The following POLR3H variants were observed in gnomAD, a reference collection of about 807,000 sequenced individuals.
POLR3H encodes RNA polymerase III subunit H, also known as DNA-directed RNA polymerase III subunit RPC8.
Under a neutral mutation model 25.5 loss-of-function variants are expected in POLR3H, and 17 were observed. The observed-to-expected ratio is 0.67, with a 90% confidence interval of 0.46 to 1.00. The LOEUF is 1.00. Among genes scored for constraint, POLR3H ranks in the 50% least tolerant of loss-of-function variants. POLR3H has a pLI of 0.00. For missense variants in POLR3H, 274 were observed against 265.0 expected (o/e 1.03, Z -0.24); for synonymous variants, 129 against 103.0 (o/e 1.25, Z -1.53).
intron 2 of POLR3H, among the ~76,000 whole-genome samples, chr22:41,536,641 G>A (rs1252299498): frequency 6.6e-6 from 1 of 151,772 alleles, no homozygotes; most frequent in Admixed American, 6.6e-5. Flanking sequence ...CAAGGCGGGC[G>A]GATCGCCTGA....
rs1394271077 is a variant in POLR3H at position 41,544,261 on chromosome 22, A to C, written c.-160T>G. ...CGGTCTCGGGGGCCCGGTCCGGGCC[A>C]TGCTCCGCTACTACAACATGAGGAA... On this transcript the variant is annotated 5_prime_UTR_variant, in exon 1 of 6. The change abolishes an upstream ATG in the 5' untranslated region. Transcript: ENST00000355209. 1.7e-6 allele frequency: 1 copy of C among 585,676 alleles called. No individual in the cohort carries two copies. Among genetic ancestry groups the C allele is most frequent in the African/African-American group, 1.9e-5 (1 of 53,296 alleles). The allele number at this position is 585,676 out of a possible 1,614,324, so 36.3% of individuals were successfully genotyped here.
chr22:41,530,992 CTG>C (rs2066720060), intron 4 of POLR3H, 104 bp from the exon 5 acceptor site: 1 of 1,126,400 alleles, frequency 8.9e-7, no homozygotes, highest in South Asian at 1.4e-5. Context: ...GGTGAGATCA[CTG>C]TGGCTGGGAA....
chr22:41,530,947 C>G (rs1373552660), intron 4 of POLR3H, 59 bp from the exon 5 acceptor site: 47 of 1,543,514 alleles, frequency 3.0e-5, no homozygotes, highest in South Asian at 4.5e-5. Context: ...CCCTCAGCAC[C>G]CACTCCCCGA....
At chr22:41,540,145 T>C (rs1268036223) in intron 2 of POLR3H, 3 of 222,908 alleles carry the variant, frequency 1.3e-5, no homozygotes, top group Non-Finnish European at 1.8e-5. Flanking sequence ...GCCACACTCT[T>C]ACCTACTGTG....
In POLR3H at chr22:41,529,069, C is replaced by T. The variant is rs1208530775; in HGVS notation, c.*214G>A. 5.2e-6 allele frequency: 3 copies of T among 576,024 alleles called. No homozygotes were observed. Among genetic ancestry groups the T allele is most frequent in the East Asian group, 6.1e-5 (2 of 33,012 alleles). 35.7% of individuals were successfully genotyped at this position (576,024 alleles called of 1,614,324 possible). A position where few individuals can be genotyped will look rare whatever the true frequency, so the allele number is the denominator to read the frequency against. Reference sequence around the variant, plus strand: ...TCAGTCAAGGTCAGTGGAGGCCCAACAGCCACAGCCACAGATGGATCCATC... The same window carrying T: ...TCAGTCAAGGTCAGTGGAGGCCCAATAGCCACAGCCACAGATGGATCCATC... On this transcript the variant is annotated 3_prime_UTR_variant, in exon 6 of 6. Coordinates refer to ENST00000355209, the MANE Select transcript of POLR3H (RefSeq NM_001018050.4).
intron 5 of POLR3H, 96 bp from the exon 6 acceptor site, chr22:41,529,432 A>G (rs1433597350): frequency 9.0e-7 from 1 of 1,106,468 alleles, no homozygotes; most frequent in Non-Finnish European, 1.4e-6. Flanking sequence ...CAGCACAGGC[A>G]AAGAAGAGGC....
chr22:41,528,681 T>C lies in POLR3H; in HGVS notation c.*602A>G. On this transcript the variant is annotated 3_prime_UTR_variant, in exon 6 of 6. Transcript: ENST00000355209. ...CCACGTGTGCCATCAGTGGATCCGA[T>C]CCGTCCAGCCATGGCTTCCTATTCC... 6.3e-7 allele frequency: 1 copy of C among 1,579,664 alleles called. No individual in the cohort carries two copies. The highest frequency in any genetic ancestry group is 1.2e-5 in the South Asian group (1 of 86,692).
At chr22:41,532,587 T>C (rs747647515) in intron 3 of POLR3H, 72 bp downstream of exon 3, 14 of 1,611,790 alleles carry the variant, frequency 8.7e-6, no homozygotes, top group African/African-American at 4.0e-5. Flanking sequence ...CCCCTGACCA[T>C]GTGGGTGGAC....
At position 41,526,813 on chromosome 22, in the gene POLR3H, T is replaced by TTGGACTTTTTCTGCTTTGAG; in HGVS notation, c.*2450_*2469dup. 1 of 307,540 alleles carries TTGGACTTTTTCTGCTTTGAG rather than the reference T, an allele frequency of 3.3e-6. No homozygotes were observed. Among genetic ancestry groups the TTGGACTTTTTCTGCTTTGAG allele is most frequent in the Non-Finnish European group, 6.1e-6 (1 of 164,740 alleles). 19.1% of individuals were successfully genotyped at this position (307,540 alleles called of 1,614,324 possible). ...AGCAGGCAGAGAGGGTCTGAGGTGA[T>TTGGACTTTTTCTGCTTTGAG]TGGACTTTTTCTGCTTTGAGAAACA... is the stretch of plus-strand genomic sequence containing the variant. On this transcript the variant is annotated 3_prime_UTR_variant, in exon 6 of 6. Transcript: ENST00000355209.
chr22:41,534,518 G>A (rs9623414), intron 2 of POLR3H, among the ~76,000 whole-genome samples: 6,546 of 152,236 alleles, frequency 0.043, 198 homozygotes, highest in Non-Finnish European at 0.064. Context: ...AAGCAGTTAA[G>A]TGGCTGCCAG....
At chr22:41,537,209 A>G (rs1246619554) in intron 2 of POLR3H, among the ~76,000 whole-genome samples, 2 of 152,238 alleles carry the variant, frequency 1.3e-5, no homozygotes, top group Non-Finnish European at 2.9e-5. Flanking sequence ...GCGGGGCGCT[A>G]GACCACAGCT....
chr22:41,527,868 G>GC lies in POLR3H; in HGVS notation c.*1414dup, dbSNP rs2066636262. The GC allele has an allele frequency of 6.2e-7, 1 of 1,614,030 alleles. No homozygotes were observed. Among genetic ancestry groups the GC allele is most frequent in the Non-Finnish European group, 8.5e-7 (1 of 1,180,004 alleles). On this transcript the variant is annotated 3_prime_UTR_variant, in exon 6 of 6. Transcript: ENST00000355209. ...AAATGAAGCTCTCCAGGCTAGTCAG[G>GC]CCCCCGATGACCGAATGCCGCCTGC...
chr22:41,533,032 G>A (rs1338680454), intron 2 of POLR3H, among the ~76,000 whole-genome samples: 1 of 152,218 alleles, frequency 6.6e-6, no homozygotes, highest in African/African-American at 2.4e-5. Flanking sequence ...CCTCCCTCCA[G>A]GCTCTCCTTC....
intron 1 of POLR3H, 44 bp from the exon 2 acceptor site, chr22:41,540,839 G>T: frequency 6.8e-7 from 1 of 1,472,240 alleles, no homozygotes; most frequent in Non-Finnish European, 9.5e-7. Flanking sequence ...CATGGATACA[G>T]AGTGACCACA....
At chr22:41,535,100 A>G (rs753997841) in intron 2 of POLR3H, among the ~76,000 whole-genome samples, 122 of 152,284 alleles carry the variant, frequency 8.0e-4, no homozygotes, top group Admixed American at 1.6e-3. Context: ...AATTTTTAAC[A>G]GATTCAACTC....
chr22:41,533,703 C>T (rs543975656), intron 2 of POLR3H: 99 of 1,304,104 alleles, frequency 7.6e-5, no homozygotes, highest in Middle Eastern at 2.1e-4. Context: ...AAGACACAAA[C>T]GTGAGCCATC....
intron 2 of POLR3H, among the ~76,000 whole-genome samples, chr22:41,534,665 G>A (rs1178703237): frequency 1.3e-5 from 2 of 152,076 alleles, no homozygotes; most frequent in Non-Finnish European, 2.9e-5. Context: ...GTCGAGGCGG[G>A]CGGATCACCT....
At chr22:41,537,083 C>T (rs544056956) in intron 2 of POLR3H, among the ~76,000 whole-genome samples, 3 of 152,170 alleles carry the variant, frequency 2.0e-5, no homozygotes, top group African/African-American at 7.2e-5. Flanking sequence ...CAGCAGGTCC[C>T]AGGCTTGGAG....
intron 1 of POLR3H, among the ~76,000 whole-genome samples, chr22:41,542,831 C>T (rs1333920297): frequency 3.3e-5 from 5 of 152,074 alleles, no homozygotes; most frequent in East Asian, 1.9e-4. Context: ...GGTGAAACCC[C>T]GTCTCTACTA....
Sources: allele counts gnomAD v4.1 joint callset (sites outside exome capture counted in the v4.1 genomes callset), GRCh38; gene constraint gnomAD v4.1.1; transcripts MANE v1.5; gene names NCBI Gene and HGNC (gene_info 2026-07-23, HGNC 2026-07-21).